CFAP20DC: variants seen among roughly 807,000 people sequenced by gnomAD.
The protein encoded by CFAP20DC is CFAP20 domain containing, also known as protein CFAP20DC.
Under a neutral mutation model 101.7 loss-of-function variants are expected in CFAP20DC, and 84 were observed. That is an observed-to-expected ratio of 0.83 (90% confidence interval 0.69 to 0.99). The LOEUF (loss-of-function observed/expected upper bound fraction) is 0.99, where lower values mean the gene tolerates loss of function less well. Ranked by LOEUF, CFAP20DC falls within the 50% of genes least tolerant of loss-of-function variation. The pLI, the probability that CFAP20DC is intolerant of heterozygous loss-of-function variation, is 0.00. For missense variants in CFAP20DC, 1,007 were observed against 970.3 expected (o/e 1.04, Z -0.50); for synonymous variants, 359 against 351.2 (o/e 1.02, Z -0.25).
At chr3:58,753,940 C>A (rs2068746835) in intron 15 of CFAP20DC, 77 bp from the exon 16 acceptor site, 2 of 939,750 alleles carry the variant, frequency 2.1e-6, no homozygotes, top group African/African-American at 1.7e-5. Context: ...ATTTTCAGTT[C>A]CTTGGGGCTT....
intron 13 of CFAP20DC, among the ~76,000 whole-genome samples, chr3:58,834,651 T>C (rs2076616862): frequency 6.6e-6 from 1 of 152,080 alleles, no homozygotes; most frequent in African/African-American, 2.4e-5. Context: ...ACCTAACCTC[T>C]CTATGCATCA....
chr3:58,876,990 TA>T (rs1210825666), intron 7 of CFAP20DC, among the ~76,000 whole-genome samples: 1 of 152,240 alleles, frequency 6.6e-6, no homozygotes, highest in African/African-American at 2.4e-5. Context: ...TCTTCATCCG[TA>T]AGACTGGGAT....
At chr3:58,822,442 T>G (rs1480802380) in intron 14 of CFAP20DC, among the ~76,000 whole-genome samples, 2 of 139,834 alleles carry the variant, frequency 1.4e-5, no homozygotes, top group Admixed American at 7.1e-5. Context: ...TGTTGTGGGG[T>G]GGTGGGAGGG....
intron 15 of CFAP20DC, among the ~76,000 whole-genome samples, chr3:58,769,256 G>A (rs901846146): frequency 1.3e-5 from 2 of 152,186 alleles, no homozygotes; most frequent in Non-Finnish European, 2.9e-5. Context: ...AGAAGCCAGA[G>A]GACAAGGAAG....
chr3:58,944,590 G>A (rs2089091951), intron 4 of CFAP20DC, among the ~76,000 whole-genome samples: 1 of 152,148 alleles, frequency 6.6e-6, no homozygotes, highest in African/African-American at 2.4e-5. Context: ...TAAGTGCTCC[G>A]AATACAGCAG....
intron 4 of CFAP20DC, among the ~76,000 whole-genome samples, chr3:58,951,529 T>C (rs1280166000): frequency 1.3e-5 from 2 of 152,112 alleles, no homozygotes; most frequent in African/African-American, 4.8e-5. Flanking sequence ...AATGATAGAC[T>C]GGATTAAGAA....
chr3:58,761,318 T>G (rs1000029977), intron 15 of CFAP20DC, among the ~76,000 whole-genome samples: 28 of 152,206 alleles, frequency 1.8e-4, no homozygotes, highest in Non-Finnish European at 3.7e-4. Flanking sequence ...CTAGTTTATT[T>G]GTGTAGAGGT....
intron 13 of CFAP20DC, among the ~76,000 whole-genome samples, chr3:58,843,030 G>C (rs1211697802): frequency 6.6e-6 from 1 of 152,120 alleles, no homozygotes; most frequent in Non-Finnish European, 1.5e-5. Flanking sequence ...CATCGTCAAA[G>C]ACCAAAAGTA....
intron 1 of CFAP20DC, among the ~76,000 whole-genome samples, chr3:59,047,490 A>C (rs113019404): frequency 1.1e-4 from 17 of 152,280 alleles, no homozygotes; most frequent in African/African-American, 3.8e-4. Flanking sequence ...ACAAACATTA[A>C]ATCAATTGTG....
chr3:59,041,239 T>C (rs578165770), intron 3 of CFAP20DC, among the ~76,000 whole-genome samples: 7 of 152,224 alleles, frequency 4.6e-5, no homozygotes, highest in Admixed American at 1.3e-4. Flanking sequence ...CACTGTTCTC[T>C]TCAAACACAA....
At chr3:58,857,648 G>A (rs9823332) in intron 12 of CFAP20DC, among the ~76,000 whole-genome samples, 27,852 of 152,014 alleles carry the variant, frequency 0.18, 4,497 homozygotes, top group African/African-American at 0.42. Context: ...CCCTAGAACT[G>A]CTAATTCTGG....
At chr3:58,745,449 C>T (rs2068124284) in intron 16 of CFAP20DC, among the ~76,000 whole-genome samples, 1 of 152,104 alleles carries the variant, frequency 6.6e-6, no homozygotes, top group Non-Finnish European at 1.5e-5. Context: ...CTCAAGGGCT[C>T]TAGAATCCAA....
At chr3:58,769,321 G>T (rs1208859768) in intron 15 of CFAP20DC, among the ~76,000 whole-genome samples, 1 of 152,154 alleles carries the variant, frequency 6.6e-6, no homozygotes, top group Non-Finnish European at 1.5e-5. Context: ...CAGCATGAAG[G>T]GTGGATATAG....
intron 7 of CFAP20DC, 73 bp from the exon 8 acceptor site, chr3:58,870,382 A>G: frequency 6.7e-7 from 1 of 1,490,796 alleles, no homozygotes; most frequent in Non-Finnish European, 9.3e-7. Flanking sequence ...CAATCTTTCT[A>G]AAAATCCAGT....
chr3:58,791,471 T>C (rs189286089), intron 15 of CFAP20DC, among the ~76,000 whole-genome samples: 4 of 152,274 alleles, frequency 2.6e-5, no homozygotes, highest in Admixed American at 6.5e-5. Context: ...ACTAGTGCAT[T>C]ATACCACCTC....
chr3:58,981,006 A>T (rs1291981290), intron 4 of CFAP20DC, among the ~76,000 whole-genome samples: 3 of 152,182 alleles, frequency 2.0e-5, no homozygotes, highest in East Asian at 1.9e-4. Flanking sequence ...ACTTCAGCAA[A>T]GTCTCAGGAT....
chr3:58,831,576 G>A, intron 14 of CFAP20DC, 110 bp downstream of exon 14: 2 of 773,936 alleles, frequency 2.6e-6, no homozygotes, highest in Non-Finnish European at 4.3e-6. Flanking sequence ...ATTTCTCATA[G>A]GGAGAGTTCT....
At chr3:58,734,898 C>T (rs1220507430) in intron 3 of CFAP20DC, among the ~76,000 whole-genome samples, 1 of 152,150 alleles carries the variant, frequency 6.6e-6, no homozygotes, top group African/African-American at 2.4e-5. Flanking sequence ...AGTGCTCTCC[C>T]ATCATCTCGT....
At position 58,893,798 on chromosome 3, in the gene CFAP20DC, T is replaced by C. The variant is rs548459041; in HGVS notation, c.551-9089A>G. On this transcript the variant is annotated intron_variant, in intron 6 of 16. Transcript: ENST00000482387. ...TTTTTTTTGGCTGGTAGGCTGTTTA[T>C]TGGAGCCTGTATTAGTCTGTTTTCA... 2.3e-4 allele frequency among the ~76,000 whole-genome samples: 35 copies of C among 152,032 alleles called. No individual in the cohort carries two copies. In the South Asian group the frequency reaches 7.1e-3, roughly 31 times the overall value.
Sources: allele counts gnomAD v4.1 joint callset (sites outside exome capture counted in the v4.1 genomes callset), GRCh38; gene constraint gnomAD v4.1.1; transcripts MANE v1.5; gene names NCBI Gene and HGNC (gene_info 2026-07-23, HGNC 2026-07-21).